INPP5A: variants seen among roughly 807,000 people sequenced by gnomAD.
The protein encoded by INPP5A is 43 kDa inositol polyphosphate 5-phophatase.
INPP5A carries 14 observed loss-of-function variants against 65.2 expected under a neutral mutation model. The observed-to-expected ratio is 0.21, with a 90% CI of 0.14 to 0.34. The LOEUF (loss-of-function observed/expected upper bound fraction) is 0.34, where lower values mean the gene tolerates loss of function less well. Ranked by LOEUF, INPP5A falls within the 10% of genes least tolerant of loss-of-function variation. INPP5A has a pLI of 1.00. For missense variants in INPP5A, 431 were observed against 545.6 expected, an observed-to-expected ratio of 0.79 and a Z score of 2.09; for synonymous variants, 207 against 208.3, an observed-to-expected ratio of 0.99 and a Z score of 0.05.
At chr10:132,755,622 G>A (rs1488185554) in intron 11 of INPP5A, among the ~76,000 whole-genome samples, 1 of 152,064 alleles carries the variant, frequency 6.6e-6, no homozygotes, top group African/African-American at 2.4e-5. Flanking sequence ...GTGGGTGTGT[G>A]TGTGTGTGTG....
intron 9 of INPP5A, among the ~76,000 whole-genome samples, chr10:132,738,406 C>G (rs1330694823): frequency 6.6e-6 from 1 of 152,240 alleles, no homozygotes; most frequent in East Asian, 1.9e-4. Context: ...GTCCCCCTCC[C>G]TTTGCCACAT....
At chr10:132,746,160 A>G (rs911519362) in intron 9 of INPP5A, among the ~76,000 whole-genome samples, 9 of 152,340 alleles carry the variant, frequency 5.9e-5, no homozygotes, top group South Asian at 2.1e-4. Flanking sequence ...GATTCCAGGT[A>G]GAGAGTGGAG....
In INPP5A at chr10:132,673,443, A is replaced by G. The variant is rs138749377; in HGVS notation, c.307-16949A>G. On this transcript the variant is annotated intron_variant, in intron 4 of 15. Transcript: ENST00000368594. Reference sequence around the variant, plus strand: ...TATTGGACGCTGATTCAGAGCATCCATGGCCCTCTGGAGAACTTTGTCCCA... The same window carrying G: ...TATTGGACGCTGATTCAGAGCATCCGTGGCCCTCTGGAGAACTTTGTCCCA... Among the ~76,000 whole-genome samples the G allele has an allele frequency of 4.3e-4, 65 of 152,334 alleles. No homozygotes were observed. In the East Asian group the frequency reaches 0.011, roughly 26 times the overall value.
intron 4 of INPP5A, among the ~76,000 whole-genome samples, chr10:132,655,711 A>AT (rs1377621943): frequency 1.3e-5 from 2 of 152,190 alleles, no homozygotes; most frequent in Non-Finnish European, 2.9e-5. Flanking sequence ...TTTGCTGCTG[A>AT]TTTGGCCTAC....
At chr10:132,774,662 C>T (rs1260134665) in intron 12 of INPP5A, among the ~76,000 whole-genome samples, 1 of 151,984 alleles carries the variant, frequency 6.6e-6, no homozygotes, top group Admixed American at 6.6e-5. Flanking sequence ...TTCTCGGGCC[C>T]GTGGCGACCC....
At position 132,650,904 on chromosome 10, in the gene INPP5A, C is replaced by G. The variant is rs943419502; in HGVS notation, c.306+399C>G. On this transcript the variant is annotated intron_variant, in intron 4 of 15. Transcript: ENST00000368594. This position sits in a 1 kb window ranked among gnomAD's most constrained non-coding sequence, Gnocchi z 5.5. ...CGCCAGCCCTGCTCCCATGCTGGGT[C>G]CGTCCCTTCCTGATCCCTGAGTGTG... 6.6e-6 allele frequency among the ~76,000 whole-genome samples: 1 copy of G among 152,192 alleles called. No homozygotes were observed. The highest frequency in any genetic ancestry group is 1.5e-5 in the Non-Finnish European group (1 of 68,030).
intron 2 of INPP5A, among the ~76,000 whole-genome samples, chr10:132,631,079 C>G (rs1275437536): frequency 6.6e-6 from 1 of 152,228 alleles, no homozygotes; most frequent in Non-Finnish European, 1.5e-5. Flanking sequence ...ACACCCCTCC[C>G]CATGGTGGCC....
intron 1 of INPP5A, among the ~76,000 whole-genome samples, chr10:132,591,940 C>T (rs1045095577): frequency 3.3e-5 from 5 of 152,270 alleles, no homozygotes; most frequent in African/African-American, 1.2e-4. Flanking sequence ...AGAGCCGGCT[C>T]TGGGATGAGG....
At position 132,544,378 on chromosome 10, in the gene INPP5A, G is replaced by T. The variant is rs560010917; in HGVS notation, c.75+6207G>T. On this transcript the variant is annotated intron_variant, in intron 1 of 15. Transcript: ENST00000368594. ...GCACAGAGGATGGGGGCGGCCTGTG[G>T]TCTGCAGGTGCCCTCCCTGCCCCGG... is the stretch of plus-strand genomic sequence containing the variant. Among the ~76,000 whole-genome samples the T allele has an allele frequency of 3.2e-3, 482 of 152,346 alleles. 8 individuals carry two copies. Among genetic ancestry groups the T allele is most frequent in the Non-Finnish European group, 9.3e-4 (63 of 68,038 alleles).
intron 2 of INPP5A, among the ~76,000 whole-genome samples, chr10:132,635,754 C>T (rs938002453): frequency 2.0e-5 from 3 of 151,142 alleles, no homozygotes; most frequent in African/African-American, 7.3e-5. Context: ...TGCTTGAGGC[C>T]AGGAGTTTGA....
At chr10:132,655,636 C>T (rs574194814) in intron 4 of INPP5A, among the ~76,000 whole-genome samples, 4 of 152,288 alleles carry the variant, frequency 2.6e-5, no homozygotes, top group Non-Finnish European at 2.9e-5. Flanking sequence ...TAACGTCACC[C>T]GCATCTGGTT....
chr10:132,589,479 G>C (rs1020572112), intron 1 of INPP5A, among the ~76,000 whole-genome samples: 1 of 152,258 alleles, frequency 6.6e-6, no homozygotes, highest in African/African-American at 2.4e-5. Flanking sequence ...CGAGGCACTC[G>C]CCCCTCCTGT....
At chr10:132,622,371 C>T (rs1275516006) in intron 2 of INPP5A, among the ~76,000 whole-genome samples, 1 of 112,126 alleles carries the variant, frequency 8.9e-6, no homozygotes, top group Non-Finnish European at 1.8e-5. Context: ...AGAAATATAC[C>T]GCGTTCGTGG....
chr10:132,771,671 CA>C (rs1846952627), intron 12 of INPP5A, among the ~76,000 whole-genome samples: 6 of 111,996 alleles, frequency 5.4e-5, no homozygotes, highest in East Asian at 4.2e-4. Flanking sequence ...AAGAGTGGGA[CA>C]GACACTCAGC....
At chr10:132,673,498 G>A (rs1242642339) in intron 4 of INPP5A, among the ~76,000 whole-genome samples, 1 of 152,194 alleles carries the variant, frequency 6.6e-6, no homozygotes, top group Non-Finnish European at 1.5e-5. Context: ...CCTAGTTGGT[G>A]TTGTAATTGT....
At chr10:132,598,119 C>CT (rs1436118942) in intron 1 of INPP5A, among the ~76,000 whole-genome samples, 1 of 152,210 alleles carries the variant, frequency 6.6e-6, no homozygotes, top group Non-Finnish European at 1.5e-5. Flanking sequence ...AGAACTTTCT[C>CT]TTTTTTTCAT....
chr10:132,628,473 G>GGT (rs2072222126), intron 2 of INPP5A, among the ~76,000 whole-genome samples: 1 of 150,896 alleles, frequency 6.6e-6, no homozygotes. Flanking sequence ...CGGGGGGGGG[G>GGT]GGGGGCGTGG....
At chr10:132,558,852 C>G (rs2071162826) in intron 1 of INPP5A, among the ~76,000 whole-genome samples, 1 of 152,228 alleles carries the variant, frequency 6.6e-6, no homozygotes, top group African/African-American at 2.4e-5. Flanking sequence ...CAGGTGGAAC[C>G]CTCAGGCAGC....
chr10:132,770,533 C>T (rs1386511758), intron 12 of INPP5A, among the ~76,000 whole-genome samples: 1 of 152,180 alleles, frequency 6.6e-6, no homozygotes, highest in Non-Finnish European at 1.5e-5. Context: ...AAGAAGAAAG[C>T]CACATGCCAC....
Sources: allele counts gnomAD v4.1 joint callset (sites outside exome capture counted in the v4.1 genomes callset), GRCh38; gene constraint gnomAD v4.1.1; non-coding constraint Gnocchi (gnomAD v3.1); transcripts MANE v1.5; gene names NCBI Gene and HGNC (gene_info 2026-07-23, HGNC 2026-07-21).